Variants in RSRC1 observed in about 807,000 individuals in gnomAD.
The protein encoded by RSRC1 is serine/Arginine-related protein 53.
In RSRC1, 39 loss-of-function variants were observed where a neutral mutation model predicts 49.1. The observed-to-expected ratio is 0.79, with a 90% CI of 0.61 to 1.04. The LOEUF (loss-of-function observed/expected upper bound fraction) is 1.04, where lower values mean the gene tolerates loss of function less well. Among genes scored for constraint, RSRC1 ranks in the 50% least tolerant of loss-of-function variants. RSRC1 has a pLI of 0.00. For synonymous variants in RSRC1, 143 were observed against 130.8 expected, an observed-to-expected ratio of 1.09 and a Z score of -0.63; for missense variants, 388 against 402.4, an observed-to-expected ratio of 0.96 and a Z score of 0.31.
chr3:158,350,311 G>T (rs999061636), intron 5 of RSRC1, among the ~76,000 whole-genome samples: 1 of 151,664 alleles, frequency 6.6e-6, no homozygotes, highest in African/African-American at 2.4e-5. Context: ...TCAAGTAGCT[G>T]GGACCACAGG....
chr3:158,235,271 G>T (rs1289352410), intron 4 of RSRC1, among the ~76,000 whole-genome samples: 1 of 152,026 alleles, frequency 6.6e-6, no homozygotes. Flanking sequence ...CTAGAGTCTG[G>T]AATCAGCCAC....
intron 3 of RSRC1, among the ~76,000 whole-genome samples, chr3:158,186,866 G>C (rs16828727): frequency 0.077 from 11,678 of 151,908 alleles, 547 homozygotes; most frequent in South Asian, 0.13. Flanking sequence ...TTGGGAATTT[G>C]TAAGGTTGAT....
intron 4 of RSRC1, among the ~76,000 whole-genome samples, chr3:158,236,617 A>G (rs966630223): frequency 1.1e-4 from 16 of 152,298 alleles, no homozygotes; most frequent in African/African-American, 3.1e-4. Flanking sequence ...AGATTTATCC[A>G]TGTTGCATGC....
chr3:158,283,941 G>A (rs1726338167), intron 4 of RSRC1, among the ~76,000 whole-genome samples: 1 of 150,892 alleles, frequency 6.6e-6, no homozygotes, highest in East Asian at 1.9e-4. Context: ...TGCACAATGT[G>A]CAGGTTAGTT....
At chr3:158,192,969 A>T (rs1221401938) in intron 3 of RSRC1, among the ~76,000 whole-genome samples, 2 of 152,120 alleles carry the variant, frequency 1.3e-5, no homozygotes, top group Admixed American at 6.6e-5. Context: ...TAGCTATGGT[A>T]TGAGGGAAAC....
Position 158,122,286 on chromosome 3 carries a change from C to G in RSRC1, c.182C>G (p.Ser61Cys). ...WSRDLQPRSH[S>C]YDRRRRHRSS... ...AGAGATCTTCAGCCTCGTTCACATT[C>G]TTATGATAGAAGGTGATTTTTGTAA... is the stretch of plus-strand genomic sequence containing the variant. The change falls in exon 2 of 10, where the codon TCT becomes TGT. Residue 61 changes from serine (S) to cysteine (C), a missense_variant. By Grantham distance (112) the Ser-to-Cys change is moderately radical. Transcript: ENST00000611884. The G allele has an allele frequency of 6.4e-7, 1 of 1,571,152 alleles. No individual in the cohort carries two copies. Among genetic ancestry groups the G allele is most frequent in the Non-Finnish European group, 8.6e-7 (1 of 1,161,010 alleles).
rs560342468 is a variant in RSRC1 at position 158,203,242 on chromosome 3, G to A, written c.491G>A (p.Arg164His). ...GACAAGGAATTACATAACATCAAAC[G>A]TGGGTAAGTTGGAGCAAATCTTATC... ...GKDKELHNIK[R>H]GESGNIKAGL... Residue 164 changes from arginine to histidine, a missense_variant, in exon 4 of 10, where the codon CGT becomes CAT. Coordinates refer to ENST00000611884, the MANE Select transcript of RSRC1 (RefSeq NM_001271838.2). 3.7e-5 allele frequency: 58 copies of A among 1,578,166 alleles called. No homozygotes were observed. Among genetic ancestry groups the A allele is most frequent in the Non-Finnish European group, 4.4e-5 (51 of 1,160,860 alleles).
chr3:158,121,807 T>C (rs1715278332), intron 1 of RSRC1, among the ~76,000 whole-genome samples: 1 of 152,162 alleles, frequency 6.6e-6, no homozygotes, highest in Non-Finnish European at 1.5e-5. Flanking sequence ...AATTTTACTT[T>C]GAATAAGACT....
chr3:158,455,979 C>CAAAAAAAAAAAAAAAAA (rs765828003), intron 6 of RSRC1, among the ~76,000 whole-genome samples: 3 of 56,518 alleles, frequency 5.3e-5, no homozygotes, highest in Non-Finnish European at 7.3e-5. Context: ...GACTCCATCT[C>CAAAAAAAAAAAAAAAAA]AAAAAAAAAA....
intron 3 of RSRC1, among the ~76,000 whole-genome samples, chr3:158,153,876 G>A (rs922904652): frequency 1.3e-5 from 2 of 152,144 alleles, no homozygotes; most frequent in African/African-American, 4.8e-5. Flanking sequence ...GTGATCTTAG[G>A]TAGAGTAAAT....
intron 5 of RSRC1, among the ~76,000 whole-genome samples, chr3:158,352,164 C>T (rs1394846068): frequency 1.3e-5 from 2 of 151,788 alleles, no homozygotes; most frequent in East Asian, 3.9e-4. Flanking sequence ...CCTAGCTACT[C>T]AGGGAGCTGA....
rs143006504 is a variant in RSRC1, at chr3:158,359,201, A to G, written c.583+4293A>G. ...ATAGCAGTGTATAAAACAGTTCTCT[A>G]TTGCCTCAACTATACCATATCACAC... On this transcript the variant is annotated intron_variant, in intron 6 of 9. Coordinates refer to ENST00000611884, the MANE Select transcript of RSRC1 (RefSeq NM_001271838.2). 9.8e-5 allele frequency among the ~76,000 whole-genome samples: 15 copies of G among 152,292 alleles called. No homozygotes were observed. In the East Asian group the frequency reaches 2.7e-3, roughly 27 times the overall value.
intron 6 of RSRC1, among the ~76,000 whole-genome samples, chr3:158,420,406 T>G (rs982310142): frequency 5.3e-5 from 8 of 151,912 alleles, no homozygotes; most frequent in Non-Finnish European, 1.2e-4. Flanking sequence ...CTACAACAGT[T>G]TGGTAGCCTA....
chr3:158,533,963 T>C (rs1712572271), intron 7 of RSRC1, among the ~76,000 whole-genome samples: 1 of 151,682 alleles, frequency 6.6e-6, no homozygotes, highest in Non-Finnish European at 1.5e-5. Flanking sequence ...ATAATTAAAA[T>C]CTAGAGGAGC....
chr3:158,180,804 C>CTTTT (rs71144445), intron 3 of RSRC1, among the ~76,000 whole-genome samples: 5 of 107,408 alleles, frequency 4.7e-5, no homozygotes, highest in African/African-American at 1.1e-4. Flanking sequence ...GGATTATATG[C>CTTTT]TTTTTTTTTT....
chr3:158,216,159 A>C, intron 4 of RSRC1, among the ~76,000 whole-genome samples: 1 of 151,524 alleles, frequency 6.6e-6, no homozygotes, highest in East Asian at 1.9e-4. Context: ...CATCACTTTT[A>C]ATAGTTCCAT....
intron 7 of RSRC1, among the ~76,000 whole-genome samples, chr3:158,510,105 C>T (rs1740073519): frequency 6.6e-6 from 1 of 152,160 alleles, no homozygotes; most frequent in Admixed American, 6.5e-5. Flanking sequence ...TCTTTCCAGA[C>T]ATTTTGATTG....
intron 7 of RSRC1, among the ~76,000 whole-genome samples, chr3:158,516,569 C>T (rs942529794): frequency 6.6e-6 from 1 of 152,168 alleles, no homozygotes; most frequent in Non-Finnish European, 1.5e-5. Context: ...GCCCTGCCCC[C>T]AGAGGTGGAG....
chr3:158,537,284 TCTTCTA>T (rs1712765663), intron 8 of RSRC1, 86 bp downstream of exon 8: 7 of 755,992 alleles, frequency 9.3e-6, no homozygotes, highest in African/African-American at 3.7e-5. Flanking sequence ...TAAATGTGTT[TCTTCTA>T]ATAGATGAAG....
Sources: gnomAD v4.1 joint callset for allele counts (sites outside exome capture counted in the v4.1 genomes callset) on GRCh38, gnomAD v4.1.1 for gene constraint, MANE v1.5 for transcripts, NCBI Gene and HGNC (gene_info 2026-07-23, HGNC 2026-07-21) for gene names.